The following DNAJC3 variants were observed in gnomAD, a reference collection of about 807,000 sequenced individuals.
DNAJC3 encodes the protein DnaJ heat shock protein family (Hsp40) member C3.
Under a neutral mutation model 68.6 loss-of-function variants are expected in DNAJC3, and 38 were observed. The ratio of observed to expected loss-of-function variants is 0.55; its 90% CI spans 0.43 to 0.73. The LOEUF is 0.73. Ranked by LOEUF, DNAJC3 falls within the 30% of genes least tolerant of loss-of-function variation. The pLI is 0.00. For missense variants in DNAJC3, 526 were observed against 591.9 expected (o/e 0.89, Z 1.16); for synonymous variants, 203 against 204.0 (o/e 1.00, Z 0.04).
At chr13:95,785,857 T>C in intron 9 of DNAJC3, 82 bp from the exon 10 acceptor site, 1 of 1,358,214 alleles carries the variant, frequency 7.4e-7, no homozygotes, top group Non-Finnish European at 9.8e-7. Context: ...GGATGACGAC[T>C]TTAGCATCAA....
rs1301421167 is a variant in DNAJC3 at position 95,792,061 on chromosome 13, G to C, written c.*1031G>C. On this transcript the variant is annotated 3_prime_UTR_variant, in exon 12 of 12. Transcript: ENST00000602402. ...GCCTCCCACGTGGGACCTGTCTGCTGGTATGTGTTAAACAGCAGACCGGCC... is the reference window on the plus strand; with the variant it reads ...GCCTCCCACGTGGGACCTGTCTGCTCGTATGTGTTAAACAGCAGACCGGCC... The C allele has an allele frequency of 3.9e-5, 6 of 152,156 alleles. No individual in the cohort carries two copies. The highest frequency in any genetic ancestry group is 3.9e-4 in the Admixed American group (6 of 15,278). 9.4% of individuals were successfully genotyped at this position (152,156 alleles called of 1,614,324 possible).
At chr13:95,706,828 C>A (rs931535709) in intron 1 of DNAJC3, among the ~76,000 whole-genome samples, 1 of 152,166 alleles carries the variant, frequency 6.6e-6, no homozygotes, top group African/African-American at 2.4e-5. Flanking sequence ...CTTGGTGAGA[C>A]CATGAATTCA....
At chr13:95,740,095 C>T (rs1268804880) in intron 4 of DNAJC3, among the ~76,000 whole-genome samples, 5 of 151,936 alleles carry the variant, frequency 3.3e-5, no homozygotes, top group African/African-American at 1.2e-4. Flanking sequence ...TGTGCCCCTG[C>T]TGGGGGGTGC....
Position 95,787,121 on chromosome 13 carries a change from T to C in DNAJC3, c.1323T>C (p.Asp441=), listed in dbSNP as rs185832840. The change falls in exon 11 of 12, where the codon GAT becomes GAC. Residue 441 remains aspartate (D), a synonymous_variant. Transcript: ENST00000602402. ...AAAAAGCTGAGAAAAAGTTCATTGA[T>C]ATAGCAGCTGCTAAAGAAGTCCTCT... ...EKKKAEKKFI[D]IAAAKEVLSD... 2 of 1,613,352 alleles carry C rather than the reference T, an allele frequency of 1.2e-6. No individual in the cohort carries two copies. The highest frequency in any genetic ancestry group is 3.3e-5 in the Admixed American group (2 of 59,826).
At chr13:95,785,803 C>G (rs901062444) in intron 9 of DNAJC3, 136 bp from the exon 10 acceptor site, 13 of 710,932 alleles carry the variant, frequency 1.8e-5, no homozygotes, top group Non-Finnish European at 2.8e-5. Context: ...CGGGGTATCA[C>G]TTAAGGTTTT....
intron 9 of DNAJC3, among the ~76,000 whole-genome samples, chr13:95,784,514 A>G (rs1158203719): frequency 6.6e-6 from 1 of 152,236 alleles, no homozygotes; most frequent in Non-Finnish European, 1.5e-5. Context: ...AGCTCGTTAT[A>G]GACACTGCAC....
In DNAJC3 at chr13:95,784,914, G is replaced by A. The variant is rs560578936; in HGVS notation, c.1076-1025G>A. On this transcript the variant is annotated intron_variant, in intron 9 of 11. Coordinates refer to ENST00000602402, the MANE Select transcript of DNAJC3 (RefSeq NM_006260.5). ...GGCTTGTGCCTGGGAGGTCGAGGAT[G>A]CAGTCAGCCAAAGTGACAGAGACCC... is the stretch of plus-strand genomic sequence containing the variant. 2.6e-5 allele frequency among the ~76,000 whole-genome samples: 4 copies of A among 152,248 alleles called. No homozygotes were observed. The South Asian group carries it at 8.3e-4, about 32-fold the overall frequency.
intron 4 of DNAJC3, among the ~76,000 whole-genome samples, chr13:95,748,046 A>G (rs762952569): frequency 5.3e-5 from 8 of 152,174 alleles, no homozygotes; most frequent in Non-Finnish European, 1.0e-4. Context: ...CTCAAATCCA[A>G]CATACTTTCC....
At chr13:95,748,836 CAAAA>C (rs990887953) in intron 4 of DNAJC3, among the ~76,000 whole-genome samples, 4 of 151,926 alleles carry the variant, frequency 2.6e-5, no homozygotes, top group African/African-American at 7.3e-5. Flanking sequence ...AACAAACAAA[CAAAA>C]AAACCCAAAG....
chr13:95,684,250 A>G (rs1880009339), intron 1 of DNAJC3, among the ~76,000 whole-genome samples: 1 of 152,192 alleles, frequency 6.6e-6, no homozygotes, highest in South Asian at 2.1e-4. Context: ...TGAGGAACTT[A>G]TTGGGAACTG....
chr13:95,790,099 C>CTTT (rs1883720875), intron 11 of DNAJC3, among the ~76,000 whole-genome samples: 1 of 152,102 alleles, frequency 6.6e-6, no homozygotes, highest in African/African-American at 2.4e-5. Context: ...TGTAGAAGCT[C>CTTT]TTTAGTTTAA....
intron 1 of DNAJC3, chr13:95,693,260 A>G (rs1339052845): frequency 6.6e-6 from 1 of 152,214 alleles, no homozygotes; most frequent in Non-Finnish European, 1.5e-5. Context: ...TATTATTGGC[A>G]GCTTAGCACT....
chr13:95,777,211 A>T (rs1883316748), intron 9 of DNAJC3, among the ~76,000 whole-genome samples: 1 of 152,088 alleles, frequency 6.6e-6, no homozygotes, highest in South Asian at 2.1e-4. Flanking sequence ...TGTATCTCGT[A>T]GTTATTGTTC....
chr13:95,690,949 CGGCT>C (rs1880228987), intron 1 of DNAJC3, among the ~76,000 whole-genome samples: 1 of 123,098 alleles, frequency 8.1e-6, no homozygotes, highest in Non-Finnish European at 1.7e-5. Flanking sequence ...CCGGACGGGG[CGGCT>C]GGCCGGGCGG....
intron 1 of DNAJC3, among the ~76,000 whole-genome samples, chr13:95,696,040 A>G (rs1255278548): frequency 6.6e-6 from 1 of 152,166 alleles, no homozygotes; most frequent in Non-Finnish European, 1.5e-5. Context: ...ATAACCTTAC[A>G]CTAAAGAGCC....
rs12385895 is a variant in DNAJC3, at chr13:95,726,023, T to C, written c.393+771T>C. On this transcript the variant is annotated intron_variant, in intron 4 of 11. Transcript: ENST00000602402. ...ATGAACTCTTCATTTTTTATGGCTGTATAGTATTCCATGGTGTATATGTGC... is the reference window on the plus strand; with the variant it reads ...ATGAACTCTTCATTTTTTATGGCTGCATAGTATTCCATGGTGTATATGTGC... Among the ~76,000 whole-genome samples, 550 of 152,052 alleles carry C rather than the reference T, an allele frequency of 3.6e-3. 7 individuals carry two copies. Among genetic ancestry groups the C allele is most frequent in the African/African-American group, 0.013 (526 of 41,448 alleles).
chr13:95,686,588 A>G (rs1274333983), intron 1 of DNAJC3, among the ~76,000 whole-genome samples: 1 of 152,196 alleles, frequency 6.6e-6, no homozygotes, highest in Admixed American at 6.5e-5. Context: ...TCTTCTGCAT[A>G]TGGCTAGCCA....
chr13:95,763,137 A>G (rs566630377), intron 7 of DNAJC3, among the ~76,000 whole-genome samples: 1 of 152,246 alleles, frequency 6.6e-6, no homozygotes, highest in Non-Finnish European at 1.5e-5. Flanking sequence ...GAAAGCTTAT[A>G]CAGTTGGGAA....
At chr13:95,767,691 G>GTTTTGTTTTTTTTTTT (rs1555328430) in intron 9 of DNAJC3, among the ~76,000 whole-genome samples, 2 of 135,794 alleles carry the variant, frequency 1.5e-5, no homozygotes, top group African/African-American at 5.5e-5. Context: ...AGTTTTTTGG[G>GTTTTGTTTTTTTTTTT]TTTTTTTTTT....
Sources: allele counts gnomAD v4.1 joint callset (sites outside exome capture counted in the v4.1 genomes callset), GRCh38; gene constraint gnomAD v4.1.1; transcripts MANE v1.5; gene names NCBI Gene and HGNC (gene_info 2026-07-23, HGNC 2026-07-21).